TRPM3: variants seen among roughly 807,000 people sequenced by gnomAD.
TRPM3 encodes long transient receptor potential channel 3.
In TRPM3, 77 loss-of-function variants were observed where a neutral mutation model predicts 181.2. The ratio of observed to expected loss-of-function variants is 0.42; its 90% CI spans 0.35 to 0.51. The LOEUF is 0.51. Ranked by LOEUF, TRPM3 falls within the 20% of genes least tolerant of loss-of-function variation. TRPM3 has a pLI of 0.01. For missense variants in TRPM3, 1,759 were observed against 2,196.7 expected, an observed-to-expected ratio of 0.80 and a Z score of 3.98; for synonymous variants, 745 against 796.4, an observed-to-expected ratio of 0.94 and a Z score of 1.09.
intron 1 of TRPM3, among the ~76,000 whole-genome samples, chr9:70,941,584 T>C (rs1253704702): frequency 1.3e-5 from 2 of 152,242 alleles, no homozygotes; most frequent in Non-Finnish European, 2.9e-5. Flanking sequence ...CTATTAGTTC[T>C]GTCCCTCTAG....
At chr9:71,284,196 T>C (rs1049401833) in intron 1 of TRPM3, among the ~76,000 whole-genome samples, 14 of 152,246 alleles carry the variant, frequency 9.2e-5, no homozygotes, top group Non-Finnish European at 4.4e-5. Context: ...TGAAATGTCA[T>C]AAAAGCAAAC....
chr9:70,751,132 T>C (rs1288798006), intron 8 of TRPM3, among the ~76,000 whole-genome samples: 2 of 151,992 alleles, frequency 1.3e-5, no homozygotes, highest in Non-Finnish European at 2.9e-5. Context: ...AAATAGAGCA[T>C]CTAATATGAC....
intron 1 of TRPM3, among the ~76,000 whole-genome samples, chr9:71,372,719 A>G (rs1445536713): frequency 1.3e-5 from 2 of 152,172 alleles, no homozygotes; most frequent in East Asian, 1.9e-4. Flanking sequence ...ACATAACAAT[A>G]CTAACCTTAA....
intron 6 of TRPM3, among the ~76,000 whole-genome samples, chr9:70,813,667 G>GA (rs891349805): frequency 3.9e-4 from 59 of 151,860 alleles, no homozygotes; most frequent in African/African-American, 1.3e-3. Context: ...AAAAATTAGA[G>GA]AAAAAAAACA....
At chr9:71,225,916 C>G (rs2080578723) in intron 1 of TRPM3, among the ~76,000 whole-genome samples, 1 of 149,488 alleles carries the variant, frequency 6.7e-6, no homozygotes, top group East Asian at 2.0e-4. Context: ...TTCAGCCTCC[C>G]AAAGTGCTGG....
At chr9:71,262,235 G>C (rs1351716948) in intron 1 of TRPM3, among the ~76,000 whole-genome samples, 2 of 152,182 alleles carry the variant, frequency 1.3e-5, no homozygotes, top group Non-Finnish European at 2.9e-5. Context: ...AATCTAGAGA[G>C]GCAGTCTGGC....
chr9:70,808,271 A>T (rs1163888132), intron 6 of TRPM3, among the ~76,000 whole-genome samples: 2 of 152,230 alleles, frequency 1.3e-5, no homozygotes, highest in Non-Finnish European at 2.9e-5. Flanking sequence ...CTAATCTGAA[A>T]AGGGAGCTCA....
chr9:70,619,947 A>G, intron 16 of TRPM3, 129 bp downstream of exon 16: 1 of 848,358 alleles, frequency 1.2e-6, no homozygotes, highest in Non-Finnish European at 1.8e-6. Context: ...GTTTGTGTCC[A>G]TCCTGTGTGT....
chr9:71,402,637 A>T (rs1213503834), intron 1 of TRPM3, among the ~76,000 whole-genome samples: 3 of 152,182 alleles, frequency 2.0e-5, no homozygotes, highest in Admixed American at 1.3e-4. Flanking sequence ...GAAATAAAAA[A>T]ACTGTTTATA....
chr9:70,850,902 T>C (rs921931107), intron 3 of TRPM3, among the ~76,000 whole-genome samples: 6 of 152,236 alleles, frequency 3.9e-5, no homozygotes, highest in Non-Finnish European at 8.8e-5. Flanking sequence ...CTCAATTTAA[T>C]GTGGACTTAT....
chr9:70,655,947 C>T (rs11999546), intron 9 of TRPM3, among the ~76,000 whole-genome samples: 58,398 of 151,972 alleles, frequency 0.38, 11,714 homozygotes, highest in African/African-American at 0.49. Context: ...GCGTACACAA[C>T]GTTTCACTAC....
chr9:70,610,219 CTTACCCACCAAAA>C (rs2061801214), intron 19 of TRPM3, among the ~76,000 whole-genome samples: 1 of 152,192 alleles, frequency 6.6e-6, no homozygotes, highest in Non-Finnish European at 1.5e-5. Flanking sequence ...CTCCTCACTC[CTTACCCACCAAAA>C]GTACCCCCAA....
intron 1 of TRPM3, among the ~76,000 whole-genome samples, chr9:70,949,821 G>A (rs2096978141): frequency 6.6e-6 from 1 of 152,156 alleles, no homozygotes; most frequent in Non-Finnish European, 1.5e-5. Context: ...GAAGGTTTCT[G>A]GAGGAAATTT....
At chr9:70,587,954 C>T (rs1272095171) in intron 22 of TRPM3, among the ~76,000 whole-genome samples, 1 of 152,154 alleles carries the variant, frequency 6.6e-6, no homozygotes, top group Non-Finnish European at 1.5e-5. Flanking sequence ...CTGTCCCTTC[C>T]CCAGGTTCCT....
At chr9:70,989,461 T>C (rs2134106436) in intron 1 of TRPM3, among the ~76,000 whole-genome samples, 1 of 152,228 alleles carries the variant, frequency 6.6e-6, no homozygotes, top group East Asian at 1.9e-4. Context: ...CAACAGCAAC[T>C]GAACTTTTAA....
chr9:71,336,369 A>G (rs2090557910), intron 1 of TRPM3, among the ~76,000 whole-genome samples: 1 of 152,152 alleles, frequency 6.6e-6, no homozygotes, highest in Admixed American at 6.5e-5. Flanking sequence ...CAAACAGAAT[A>G]AAATACCTAG....
chr9:71,296,762 C>T (rs543023411), intron 1 of TRPM3, among the ~76,000 whole-genome samples: 73 of 152,170 alleles, frequency 4.8e-4, no homozygotes, highest in East Asian at 7.7e-4. Context: ...ACAGACTAGA[C>T]GGCGGGGGTT....
At chr9:71,204,012 T>A (rs1172890114) in intron 1 of TRPM3, among the ~76,000 whole-genome samples, 2 of 151,954 alleles carry the variant, frequency 1.3e-5, no homozygotes, top group South Asian at 4.2e-4. Context: ...TAGCCATATG[T>A]AGAAAGCTGA....
intron 1 of TRPM3, among the ~76,000 whole-genome samples, chr9:71,246,987 C>T (rs894194886): frequency 1.3e-5 from 2 of 152,142 alleles, no homozygotes; most frequent in African/African-American, 4.8e-5. Context: ...GTGCTAGATT[C>T]AGGGAACAGA....
Sources: gnomAD v4.1 joint callset for allele counts (sites outside exome capture counted in the v4.1 genomes callset) on GRCh38, gnomAD v4.1.1 for gene constraint, MANE v1.5 for transcripts, NCBI Gene and HGNC (gene_info 2026-07-23, HGNC 2026-07-21) for gene names.